Variants in CALN1 observed in about 807,000 individuals in gnomAD.
The protein encoded by CALN1 is calneuron 1.
In CALN1, 17 loss-of-function variants were observed where a neutral mutation model predicts 30.6. The ratio of observed to expected loss-of-function variants is 0.56; its 90% CI spans 0.38 to 0.83. The LOEUF is 0.83. Among genes scored for constraint, CALN1 ranks in the 40% least tolerant of loss-of-function variants. CALN1 has a pLI of 0.00. For missense variants in CALN1, 291 were observed against 354.9 expected (o/e 0.82, Z 1.45); for synonymous variants, 156 against 131.4 (o/e 1.19, Z -1.28).
In CALN1 at chr7:72,008,190, A is replaced by G. The variant is rs556822668; in HGVS notation, c.501+15467T>C. 2.0e-5 allele frequency among the ~76,000 whole-genome samples: 3 copies of G among 152,348 alleles called. No homozygotes were observed. In the East Asian group the frequency reaches 5.8e-4, roughly 29 times the overall value. On this transcript the variant is annotated intron_variant, in intron 5 of 6. Transcript: ENST00000395275. Reference sequence around the variant, plus strand: ...GACACAATAAATGGATACAATAAATAGTATGAAGATATTATATATCTGACA... The same window carrying G: ...GACACAATAAATGGATACAATAAATGGTATGAAGATATTATATATCTGACA...
At chr7:71,828,504 G>A (rs568993440) in intron 5 of CALN1, among the ~76,000 whole-genome samples, 13 of 152,056 alleles carry the variant, frequency 8.5e-5, no homozygotes, top group African/African-American at 2.9e-4. Context: ...GCTTGGAACT[G>A]GTCAGGGCAA....
intron 3 of CALN1, among the ~76,000 whole-genome samples, chr7:72,108,042 C>T (rs1324667712): frequency 6.6e-6 from 1 of 152,144 alleles, no homozygotes; most frequent in African/African-American, 2.4e-5. Flanking sequence ...GTCTGGAGGC[C>T]AAAATTCCAA....
intron 4 of CALN1, among the ~76,000 whole-genome samples, chr7:72,049,057 C>A (rs1184134563): frequency 1.3e-5 from 2 of 152,116 alleles, no homozygotes; most frequent in Non-Finnish European, 2.9e-5. Flanking sequence ...AATCCTCCCA[C>A]CTTGGCCTCC....
intron 5 of CALN1, among the ~76,000 whole-genome samples, chr7:71,995,014 G>A (rs1584704713): frequency 6.6e-6 from 1 of 152,056 alleles, no homozygotes; most frequent in East Asian, 1.9e-4. Context: ...CACCACACCT[G>A]GCTAATTTTT....
intron 5 of CALN1, among the ~76,000 whole-genome samples, chr7:71,944,326 G>A (rs893634093): frequency 5.9e-5 from 9 of 151,970 alleles, no homozygotes; most frequent in Non-Finnish European, 1.0e-4. Context: ...TGGGCGTGGT[G>A]GCTCACACCT....
chr7:72,280,812 G>T (rs1208376208), intron 2 of CALN1, among the ~76,000 whole-genome samples: 1 of 152,124 alleles, frequency 6.6e-6, no homozygotes, highest in Non-Finnish European at 1.5e-5. Flanking sequence ...GTTATTGCAG[G>T]CATAGGTTAC....
chr7:72,401,666 G>A (rs1806349904), intron 2 of CALN1, among the ~76,000 whole-genome samples: 2 of 152,158 alleles, frequency 1.3e-5, no homozygotes, highest in South Asian at 2.1e-4. Context: ...AATTCACGCT[G>A]CTCGCAACTC....
intron 6 of CALN1, among the ~76,000 whole-genome samples, chr7:71,795,326 C>T (rs1331638098): frequency 1.3e-5 from 2 of 151,958 alleles, no homozygotes; most frequent in African/African-American, 4.8e-5. Context: ...GCCCGGCCAT[C>T]TTCCCTCTTT....
chr7:71,893,957 C>G (rs1351019022), intron 5 of CALN1, among the ~76,000 whole-genome samples: 1 of 151,936 alleles, frequency 6.6e-6, no homozygotes, highest in Non-Finnish European at 1.5e-5. Context: ...CATGATGCTG[C>G]CCACCTAGAC....
At chr7:72,205,559 T>A (rs183669209) in intron 3 of CALN1, among the ~76,000 whole-genome samples, 3 of 77,554 alleles carry the variant, frequency 3.9e-5, no homozygotes, top group African/African-American at 1.9e-4. Flanking sequence ...AAAATATATA[T>A]ATATATATGT....
chr7:72,263,144 CATAACA>C (rs1012821894), intron 3 of CALN1, among the ~76,000 whole-genome samples: 1 of 152,178 alleles, frequency 6.6e-6, no homozygotes, highest in Non-Finnish European at 1.5e-5. Context: ...GCATCATCAT[CATAACA>C]ATAACAATAA....
At chr7:72,413,511 T>C (rs111211675), upstream of CALN1, among the ~76,000 whole-genome samples, 3 of 150,754 alleles carry the variant, frequency 2.0e-5, no homozygotes, top group African/African-American at 7.3e-5. Flanking sequence ...AACTCACACA[T>C]CAGATACACT....
At chr7:72,501,885 G>A in the CALN1 span, among the ~76,000 whole-genome samples, 264 of 122,600 alleles carry the variant, frequency 2.2e-3, no homozygotes, top group Non-Finnish European at 3.1e-3. Context: ...CTCCAGCCTG[G>A]GCAACAGAGC....
chr7:71,853,711 C>T (rs948991630), intron 5 of CALN1, among the ~76,000 whole-genome samples: 1 of 152,126 alleles, frequency 6.6e-6, no homozygotes, highest in Non-Finnish European at 1.5e-5. Context: ...TCCCGAGTAG[C>T]TGGGATTACA....
chr7:72,403,803 A>C (rs757425365), intron 1 of CALN1, among the ~76,000 whole-genome samples: 2 of 152,214 alleles, frequency 1.3e-5, no homozygotes, highest in Non-Finnish European at 2.9e-5. Context: ...ACATCTTGCC[A>C]GCATCATTTG....
At chr7:72,395,359 G>GCACGCGCACACA (rs1805857537) in intron 2 of CALN1, among the ~76,000 whole-genome samples, 4 of 151,398 alleles carry the variant, frequency 2.6e-5, no homozygotes, top group African/African-American at 9.7e-5. Flanking sequence ...GCACGCGCGC[G>GCACGCGCACACA]CACACACACA....
At chr7:72,444,815 G>T (rs188232628) in intron 1 of CALN1, among the ~76,000 whole-genome samples, 3 of 152,058 alleles carry the variant, frequency 2.0e-5, no homozygotes, top group Non-Finnish European at 2.9e-5. Flanking sequence ...ACTGACGCCC[G>T]CCCAATGAGA....
intron 3 of CALN1, among the ~76,000 whole-genome samples, chr7:72,271,575 A>AAAAAAAATAT: frequency 5.8e-5 from 3 of 52,126 alleles, no homozygotes; most frequent in East Asian, 2.0e-3. Flanking sequence ...AAAAAAAAAA[A>AAAAAAAATAT]ATATATATAT....
intron 2 of CALN1, among the ~76,000 whole-genome samples, chr7:72,371,361 A>C (rs964858655): frequency 3.9e-5 from 6 of 152,136 alleles, no homozygotes; most frequent in Non-Finnish European, 8.8e-5. Context: ...TTAATCCCCT[A>C]AACATGTTGT....
Sources: allele counts gnomAD v4.1 joint callset (sites outside exome capture counted in the v4.1 genomes callset), GRCh38; gene constraint gnomAD v4.1.1; transcripts MANE v1.5; gene names NCBI Gene and HGNC (gene_info 2026-07-23, HGNC 2026-07-21).